The following STRN variants were observed in gnomAD, a reference collection of about 807,000 sequenced individuals.
STRN encodes the protein striatin.
A neutral mutation model predicts 96.3 loss-of-function variants in STRN; 53 were observed. That is an observed-to-expected ratio of 0.55 (90% CI 0.44 to 0.69). The LOEUF (loss-of-function observed/expected upper bound fraction) is 0.69, where lower values mean the gene tolerates loss of function less well. STRN is among the 30% of genes least tolerant of loss of function. The pLI is 0.00. For missense variants in STRN, 987 were observed against 963.9 expected (o/e 1.02, Z -0.32); for synonymous variants, 428 against 355.9 (o/e 1.20, Z -2.28).
intron 4 of STRN, 86 bp downstream of exon 4, chr2:36,905,454 C>T (rs1340984142): frequency 2.5e-6 from 3 of 1,206,428 alleles, no homozygotes; most frequent in African/African-American, 1.5e-5. Flanking sequence ...AAATATTCAT[C>T]TGACTTGAAA....
intron 1 of STRN, among the ~76,000 whole-genome samples, chr2:36,952,967 G>C (rs1268309016): frequency 6.6e-6 from 1 of 152,226 alleles, no homozygotes; most frequent in African/African-American, 2.4e-5. Flanking sequence ...ACAAATCCCA[G>C]AATGGGCTGT....
intron 10 of STRN, among the ~76,000 whole-genome samples, chr2:36,871,765 C>T (rs1558630704): frequency 6.6e-6 from 1 of 152,146 alleles, no homozygotes. Context: ...AGACTAGACA[C>T]ATCAGGAAAA....
rs1015960555 is a variant in STRN, at chr2:36,942,022, G to A, written c.235-16814C>T. The stretch of plus-strand genomic sequence containing the variant: ...CCACTATAGAATCTGGAACGCCAAG[G>A]GCCTGCTTTCTTAGATTCTACTGTG... On this transcript the variant is annotated intron_variant, in intron 1 of 17. Transcript: ENST00000263918. Among the ~76,000 whole-genome samples the A allele has an allele frequency of 2.0e-5, 3 of 151,980 alleles. No individual in the cohort carries two copies. In the South Asian group the frequency reaches 6.2e-4, roughly 31 times the overall value.
At chr2:36,948,077 C>A in intron 1 of STRN, among the ~76,000 whole-genome samples, 1 of 128,286 alleles carries the variant, frequency 7.8e-6, no homozygotes, top group African/African-American at 3.1e-5. Flanking sequence ...ATTATCAGTG[C>A]ACTCTTTTTT....
chr2:36,881,114 C>T (rs1366740624), intron 9 of STRN, among the ~76,000 whole-genome samples: 1 of 135,526 alleles, frequency 7.4e-6, no homozygotes, highest in Non-Finnish European at 1.5e-5. Context: ...TGTGACACTG[C>T]CTTCTTTTTT....
At chr2:36,907,822 A>C (rs555718714) in intron 3 of STRN, among the ~76,000 whole-genome samples, 1 of 152,298 alleles carries the variant, frequency 6.6e-6, no homozygotes, top group South Asian at 2.1e-4. Context: ...ATAAGCATTA[A>C]ATCTTCCAAG....
intron 7 of STRN, among the ~76,000 whole-genome samples, chr2:36,893,689 T>A (rs1471414400): frequency 6.6e-6 from 1 of 152,076 alleles, no homozygotes; most frequent in Non-Finnish European, 1.5e-5. Flanking sequence ...ACTGTATTGT[T>A]GTTGTTTTTT....
chr2:36,912,465 G>A (rs1398300659), intron 3 of STRN, among the ~76,000 whole-genome samples: 3 of 152,174 alleles, frequency 2.0e-5, no homozygotes, highest in East Asian at 1.9e-4. Flanking sequence ...ACCAGTAGTG[G>A]TGAACAGTCC....
intron 1 of STRN, among the ~76,000 whole-genome samples, chr2:36,956,761 G>T (rs553094716): frequency 6.6e-6 from 1 of 152,248 alleles, no homozygotes; most frequent in African/African-American, 2.4e-5. Flanking sequence ...TAAAGTTCAG[G>T]ACTAAATAGG....
intron 7 of STRN, among the ~76,000 whole-genome samples, chr2:36,891,049 C>G (rs1266646715): frequency 6.6e-6 from 1 of 152,122 alleles, no homozygotes; most frequent in East Asian, 1.9e-4. Context: ...TGGTTCAGCA[C>G]CCCCCAATCC....
In STRN at chr2:36,843,983, A is replaced by G. The variant is rs1668005846; in HGVS notation, c.*5473T>C. On this transcript the variant is annotated 3_prime_UTR_variant, in exon 18 of 18. Coordinates refer to ENST00000263918, the MANE Select transcript of STRN (RefSeq NM_003162.4). ...ATTTAAAATACCTGAAGATCAAACAATCTGGCCCAGGGCTCACCAGCTGGA... is the reference window on the plus strand; with the variant it reads ...ATTTAAAATACCTGAAGATCAAACAGTCTGGCCCAGGGCTCACCAGCTGGA... The G allele has an allele frequency of 6.6e-6, 1 of 152,130 alleles. No individual in the cohort carries two copies. Among genetic ancestry groups the G allele is most frequent in the Non-Finnish European group, 1.5e-5 (1 of 68,012 alleles). The allele number at this position is 152,130 out of a possible 1,614,324, so 9.4% of individuals were successfully genotyped here. A position where few individuals can be genotyped will look rare whatever the true frequency, so the allele number is the denominator to read the frequency against.
At chr2:36,892,685 T>TC (rs1669431482) in intron 7 of STRN, among the ~76,000 whole-genome samples, 1 of 152,090 alleles carries the variant, frequency 6.6e-6, no homozygotes, top group Non-Finnish European at 1.5e-5. Flanking sequence ...CAGATCCCTA[T>TC]CCTCTTCTGG....
At chr2:36,940,685 A>T (rs567587694) in intron 1 of STRN, among the ~76,000 whole-genome samples, 22 of 151,922 alleles carry the variant, frequency 1.4e-4, no homozygotes, top group African/African-American at 4.8e-4. Flanking sequence ...TAAAAATAAA[A>T]ATTAGCCAGG....
At chr2:36,896,289 A>G (rs1412455101) in intron 6 of STRN, among the ~76,000 whole-genome samples, 2 of 152,232 alleles carry the variant, frequency 1.3e-5, no homozygotes, top group Non-Finnish European at 2.9e-5. Flanking sequence ...ATAACCTTAC[A>G]AAGAATAAAG....
chr2:36,960,258 G>A (rs1248157151), intron 1 of STRN, among the ~76,000 whole-genome samples: 3 of 152,162 alleles, frequency 2.0e-5, no homozygotes, highest in Admixed American at 2.0e-4. Flanking sequence ...TGAATTTCAA[G>A]GTAACAGATA....
intron 1 of STRN, among the ~76,000 whole-genome samples, chr2:36,957,744 C>G (rs113964105): frequency 3.4e-5 from 3 of 89,208 alleles, no homozygotes; most frequent in Admixed American, 1.3e-4. Context: ...TTCTTTTTGT[C>G]TTTTTTTTTT....
intron 15 of STRN, 96 bp downstream of exon 15, chr2:36,855,116 T>G (rs1668311342): frequency 5.4e-6 from 7 of 1,302,458 alleles, no homozygotes; most frequent in Non-Finnish European, 6.4e-6. Context: ...CAGAAAGCTT[T>G]ATAATGACAA....
intron 1 of STRN, among the ~76,000 whole-genome samples, chr2:36,935,113 TA>T (rs973583476): frequency 1.4e-4 from 22 of 152,136 alleles, no homozygotes; most frequent in African/African-American, 5.1e-4. Flanking sequence ...TTTATATTTT[TA>T]AAAAAATAAG....
chr2:36,848,002 C>G lies in STRN; in HGVS notation c.*1454G>C, dbSNP rs1386870261. On this transcript the variant is annotated 3_prime_UTR_variant, in exon 18 of 18. Transcript: ENST00000263918. ...CTAGATTGGTCTCTGTCATTTGGGA[C>G]AAAGAGTAAGAGAGACATAAACCAC... is the stretch of plus-strand genomic sequence containing the variant. 2 of 152,050 alleles carry G rather than the reference C, an allele frequency of 1.3e-5. No homozygotes were observed. Among genetic ancestry groups the G allele is most frequent in the Non-Finnish European group, 2.9e-5 (2 of 68,008 alleles). The allele number at this position is 152,050 out of a possible 1,614,324, so 9.4% of individuals were successfully genotyped here. A position where few individuals can be genotyped will look rare whatever the true frequency, so the allele number is the denominator to read the frequency against.
Sources: gnomAD v4.1 joint callset for allele counts (sites outside exome capture counted in the v4.1 genomes callset) on GRCh38, gnomAD v4.1.1 for gene constraint, MANE v1.5 for transcripts, NCBI Gene and HGNC (gene_info 2026-07-23, HGNC 2026-07-21) for gene names.